The following GABRA4 variants were observed in gnomAD, a reference collection of about 807,000 sequenced individuals.
GABRA4 encodes the protein gamma-aminobutyric acid receptor subunit alpha-4.
In GABRA4, 12 loss-of-function variants were observed where a neutral mutation model predicts 49.7. The observed-to-expected ratio is 0.24, with a 90% CI of 0.15 to 0.39. GABRA4 has a LOEUF of 0.39. GABRA4 is among the 10% of genes least tolerant of loss of function. GABRA4 has a pLI of 1.00. For missense variants in GABRA4, 506 were observed against 686.0 expected (o/e 0.74, Z 2.93); for synonymous variants, 288 against 240.2 (o/e 1.20, Z -1.84).
chr4:46,973,058 T>C (rs1723006343), intron 6 of GABRA4, among the ~76,000 whole-genome samples: 1 of 151,786 alleles, frequency 6.6e-6, no homozygotes, highest in Admixed American at 6.6e-5. Context: ...GGCAAATACA[T>C]TGTACTTAAA....
In GABRA4 at chr4:46,923,877, C is replaced by T. The variant is rs1721119405; in HGVS notation, c.*4348G>A. ...AACATCAACAACTCTCACTTCCCTG[C>T]ATTCACCCTTACCTCCAAACACAGA... is the stretch of plus-strand genomic sequence containing the variant. On this transcript the variant is annotated 3_prime_UTR_variant, in exon 9 of 9. Coordinates refer to ENST00000264318, the MANE Select transcript of GABRA4 (RefSeq NM_000809.4). 4 of 152,078 alleles carry T rather than the reference C, an allele frequency of 2.6e-5. No homozygotes were observed. The highest frequency in any genetic ancestry group is 9.7e-5 in the African/African-American group (4 of 41,424). 9.4% of individuals were successfully genotyped at this position (152,078 alleles called of 1,614,324 possible). A position where few individuals can be genotyped will look rare whatever the true frequency, so the allele number is the denominator to read the frequency against.
At chr4:46,937,740 C>A (rs1721649586) in intron 8 of GABRA4, among the ~76,000 whole-genome samples, 1 of 152,148 alleles carries the variant, frequency 6.6e-6, no homozygotes, top group Non-Finnish European at 1.5e-5. Context: ...AGATAAGATT[C>A]CTCCAGGTAA....
chr4:46,992,258 G>A (rs771907011), intron 2 of GABRA4, among the ~76,000 whole-genome samples: 3 of 152,206 alleles, frequency 2.0e-5, no homozygotes, highest in East Asian at 3.9e-4. Context: ...AGTCTTAGGA[G>A]GAAAGCAAAT....
chr4:46,954,556 C>CA (rs60422399), intron 8 of GABRA4, among the ~76,000 whole-genome samples: 3,568 of 88,748 alleles, frequency 0.04, 89 homozygotes, highest in Middle Eastern at 0.12. Context: ...AAACGCCATC[C>CA]AAAAAAAAAA....
At chr4:46,957,661 A>G (rs1363855138) in intron 8 of GABRA4, among the ~76,000 whole-genome samples, 3 of 151,964 alleles carry the variant, frequency 2.0e-5, no homozygotes, top group African/African-American at 7.2e-5. Context: ...TATCCTAGTG[A>G]TTGATGCCAC....
At chr4:46,991,425 G>T (rs1044440494) in intron 2 of GABRA4, among the ~76,000 whole-genome samples, 5 of 152,088 alleles carry the variant, frequency 3.3e-5, no homozygotes, top group African/African-American at 1.2e-4. Context: ...TGCCCATAAA[G>T]GTTTTAAACT....
At chr4:46,957,583 G>A (rs1227680709) in intron 8 of GABRA4, among the ~76,000 whole-genome samples, 1 of 151,946 alleles carries the variant, frequency 6.6e-6, no homozygotes, top group Non-Finnish European at 1.5e-5. Flanking sequence ...GTCCTGCTAT[G>A]GAAATCTCCA....
chr4:46,941,226 A>G (rs1721776406), intron 8 of GABRA4, among the ~76,000 whole-genome samples: 1 of 151,968 alleles, frequency 6.6e-6, no homozygotes, highest in Non-Finnish European at 1.5e-5. Flanking sequence ...CTTAAAACCA[A>G]AACTATGAAC....
At chr4:46,938,831 C>A (rs566269446) in intron 8 of GABRA4, among the ~76,000 whole-genome samples, 15 of 152,124 alleles carry the variant, frequency 9.9e-5, no homozygotes, top group Non-Finnish European at 2.2e-4. Context: ...TCAACTCATT[C>A]ATTCATTCAT....
chr4:46,990,763 A>G (rs1723714915), intron 2 of GABRA4, among the ~76,000 whole-genome samples: 1 of 152,260 alleles, frequency 6.6e-6, no homozygotes. Flanking sequence ...ATGCATTGAC[A>G]AATGATTCAC....
chr4:46,938,387 T>C (rs1439740646), intron 8 of GABRA4, among the ~76,000 whole-genome samples: 1 of 152,136 alleles, frequency 6.6e-6, no homozygotes, highest in Non-Finnish European at 1.5e-5. Flanking sequence ...TAGCAAGTAG[T>C]CTGAGTTACA....
intron 7 of GABRA4, among the ~76,000 whole-genome samples, chr4:46,967,169 C>A (rs888715329): frequency 2.6e-5 from 4 of 151,528 alleles, no homozygotes; most frequent in Admixed American, 1.3e-4. Context: ...GATATATAAG[C>A]AATATTTTTC....
In GABRA4 at chr4:46,921,960, TCAAA is replaced by T. The variant is rs1326664824; in HGVS notation, c.*6261_*6264del. On this transcript the variant is annotated 3_prime_UTR_variant, in exon 9 of 9. Transcript: ENST00000264318. ...ATAAGTATCATTATCCTGCGATGTT[TCAAA>T]CAAAGATGGTTTGTTTGAAACCTCT... 2 of 152,110 alleles carry T rather than the reference TCAAA, an allele frequency of 1.3e-5. No homozygotes were observed. Among genetic ancestry groups the T allele is most frequent in the African/African-American group, 4.8e-5 (2 of 41,438 alleles). 9.4% of individuals were successfully genotyped at this position (152,110 alleles called of 1,614,324 possible).
At chr4:46,965,332 T>A in intron 7 of GABRA4, 103 bp from the exon 8 acceptor site, 1 of 930,120 alleles carries the variant, frequency 1.1e-6, no homozygotes, top group Non-Finnish European at 1.5e-6. Flanking sequence ...GGAATAGGGT[T>A]AACAAAACTA....
chr4:46,946,239 T>C (rs1361876134), intron 8 of GABRA4, among the ~76,000 whole-genome samples: 1 of 152,122 alleles, frequency 6.6e-6, no homozygotes, highest in Non-Finnish European at 1.5e-5. Flanking sequence ...TTCTTTGAAT[T>C]TCATCAAAGT....
rs979074059 is a variant in GABRA4 at position 46,923,455 on chromosome 4, A to G, written c.*4770T>C. ...GCAATCTACTCTTCTAGACAAACAT[A>G]TCCAAATACAAAATATTTCTGATTT... On this transcript the variant is annotated 3_prime_UTR_variant, in exon 9 of 9. Coordinates refer to ENST00000264318, the MANE Select transcript of GABRA4 (RefSeq NM_000809.4). The G allele has an allele frequency of 6.6e-6, 1 of 152,136 alleles. No homozygotes were observed. Among genetic ancestry groups the G allele is most frequent in the Non-Finnish European group, 1.5e-5 (1 of 68,016 alleles). The allele number at this position is 152,136 out of a possible 1,614,324, so 9.4% of individuals were successfully genotyped here.
chr4:46,939,327 C>T (rs1301448504), intron 8 of GABRA4, among the ~76,000 whole-genome samples: 3 of 151,912 alleles, frequency 2.0e-5, no homozygotes, highest in Non-Finnish European at 4.4e-5. Flanking sequence ...AGGCAGAAAT[C>T]CTGAATCATC....
intron 2 of GABRA4, among the ~76,000 whole-genome samples, chr4:46,987,971 C>A (rs1029369118): frequency 6.6e-6 from 1 of 152,084 alleles, no homozygotes; most frequent in East Asian, 1.9e-4. Flanking sequence ...ATATCCCAAC[C>A]AAATCCCATG....
chr4:46,991,387 C>T (rs1156616288), intron 2 of GABRA4, among the ~76,000 whole-genome samples: 1 of 152,092 alleles, frequency 6.6e-6, no homozygotes, highest in East Asian at 1.9e-4. Flanking sequence ...AGACCAGATG[C>T]CAAAGAAACA....
Sources: gnomAD v4.1 joint callset for allele counts (sites outside exome capture counted in the v4.1 genomes callset) on GRCh38, gnomAD v4.1.1 for gene constraint, MANE v1.5 for transcripts, NCBI Gene and HGNC (gene_info 2026-07-23, HGNC 2026-07-21) for gene names.